SIPA1L2: variants seen among roughly 807,000 people sequenced by gnomAD.
SIPA1L2 encodes signal-induced proliferation-associated 1-like protein 2.
SIPA1L2 carries 56 observed loss-of-function variants against 163.9 expected under a neutral mutation model. That is an observed-to-expected ratio of 0.34 (90% CI 0.28 to 0.43). The LOEUF (loss-of-function observed/expected upper bound fraction) is 0.43, where lower values mean the gene tolerates loss of function less well. SIPA1L2 is among the 20% of genes least tolerant of loss of function. SIPA1L2 has a pLI of 1.00. For synonymous variants in SIPA1L2, 877 were observed against 865.7 expected (o/e 1.01, Z -0.23); for missense variants, 1,974 against 2,193.5 (o/e 0.90, Z 2.00).
intron 18 of SIPA1L2, among the ~76,000 whole-genome samples, chr1:232,418,802 A>G (rs777717498): frequency 2.0e-5 from 3 of 152,160 alleles, no homozygotes; most frequent in Non-Finnish European, 2.9e-5. Flanking sequence ...TGGGACTTCT[A>G]TTTGATACTG....
intron 1 of SIPA1L2, among the ~76,000 whole-genome samples, chr1:232,582,643 A>G (rs941396045): frequency 1.6e-4 from 24 of 152,168 alleles, no homozygotes; most frequent in Non-Finnish European, 3.4e-4. Context: ...TTTTTGGTAT[A>G]TGATCTATTT....
intron 19 of SIPA1L2, among the ~76,000 whole-genome samples, chr1:232,406,750 C>T (rs188611346): frequency 3.3e-5 from 5 of 151,976 alleles, no homozygotes; most frequent in East Asian, 2.0e-4. Context: ...CTGATCAACG[C>T]GTCATGTCTG....
At chr1:232,494,902 A>C (rs986759084) in intron 3 of SIPA1L2, among the ~76,000 whole-genome samples, 7 of 152,160 alleles carry the variant, frequency 4.6e-5, no homozygotes, top group Non-Finnish European at 1.0e-4. Flanking sequence ...AGCCTCAAAA[A>C]ATCGATTTTT....
chr1:232,541,935 A>C (rs866759445), intron 2 of SIPA1L2, among the ~76,000 whole-genome samples: 1 of 148,206 alleles, frequency 6.7e-6, no homozygotes, highest in African/African-American at 2.5e-5. Flanking sequence ...TGAGCCTTAA[A>C]TCTCTCTCTC....
At chr1:232,429,027 T>G (rs771717890) in intron 16 of SIPA1L2, among the ~76,000 whole-genome samples, 1 of 152,186 alleles carries the variant, frequency 6.6e-6, no homozygotes, top group African/African-American at 2.4e-5. Context: ...AGTCATCAAT[T>G]CACACGTGTG....
chr1:232,615,131 C>G (rs906968931), intron 1 of SIPA1L2, among the ~76,000 whole-genome samples: 5 of 152,194 alleles, frequency 3.3e-5, no homozygotes, highest in Admixed American at 1.3e-4. Context: ...CACAAGATAA[C>G]TCTAGAGACA....
chr1:232,543,183 T>C (rs59196142), intron 2 of SIPA1L2, among the ~76,000 whole-genome samples: 5,813 of 152,302 alleles, frequency 0.038, 352 homozygotes, highest in African/African-American at 0.13. Flanking sequence ...AGCAAAGCCT[T>C]GCTACTATCC....
At chr1:232,468,999 C>T (rs1308723773) in intron 8 of SIPA1L2, among the ~76,000 whole-genome samples, 47 of 152,182 alleles carry the variant, frequency 3.1e-4, no homozygotes, top group Non-Finnish European at 4.4e-5. Flanking sequence ...ACTGCTCGAG[C>T]ATTCTGCTGC....
At chr1:232,622,058 T>A (rs202196002) in intron 1 of SIPA1L2, among the ~76,000 whole-genome samples, 2 of 152,220 alleles carry the variant, frequency 1.3e-5, no homozygotes, top group East Asian at 3.9e-4. Flanking sequence ...AAATGACCTA[T>A]TATTCCAAAC....
At position 232,401,332 on chromosome 1, in the gene SIPA1L2, C is replaced by T. The variant is rs148203486; in HGVS notation, c.5022+1060G>A. On this transcript the variant is annotated intron_variant, in intron 22 of 22. Coordinates refer to ENST00000674635, the MANE Select transcript of SIPA1L2 (RefSeq NM_020808.5). ...TCACCCAAGCTGGGGAAAAAACACA[C>T]GACCAGGAAAACAGGTATCGCTTTA... is the stretch of plus-strand genomic sequence containing the variant. Among the ~76,000 whole-genome samples the T allele has an allele frequency of 7.2e-5, 11 of 152,272 alleles. No homozygotes were observed. In the South Asian group the frequency reaches 8.3e-4, roughly 11 times the overall value.
intron 1 of SIPA1L2, among the ~76,000 whole-genome samples, chr1:232,596,356 T>C (rs1661253348): frequency 6.6e-6 from 1 of 152,184 alleles, no homozygotes; most frequent in Admixed American, 6.5e-5. Context: ...GCCCTATGTG[T>C]TTCCCACATG....
At chr1:232,541,173 G>C (rs562499305) in intron 2 of SIPA1L2, among the ~76,000 whole-genome samples, 1 of 152,168 alleles carries the variant, frequency 6.6e-6, no homozygotes, top group East Asian at 1.9e-4. Flanking sequence ...GGGTTGATAG[G>C]TGCAGCAAAC....
At chr1:232,600,525 G>C (rs1408526252) in intron 1 of SIPA1L2, among the ~76,000 whole-genome samples, 1 of 152,220 alleles carries the variant, frequency 6.6e-6, no homozygotes, top group Admixed American at 6.5e-5. Context: ...GGGTGACTGA[G>C]AATCAAACTG....
chr1:232,515,233 C>T lies in SIPA1L2; in HGVS notation c.107G>A (p.Arg36Gln), dbSNP rs763834648. ...RIMQSDDYFA[R>Q]KFKAINGNMG... is the part of the protein sequence containing the mutation. ...GTTGCCATTAATGGCTTTAAATTTC[C>T]GAGCAAAATAATCATCTGACTGCAT... Residue 36 changes from arginine (R) to glutamine (Q), a missense_variant, in exon 3 of 23, where the codon CGG becomes CAG. Physicochemically the swap from Arg to Gln is conservative, Grantham distance 43. Coordinates refer to ENST00000674635, the MANE Select transcript of SIPA1L2 (RefSeq NM_020808.5). 37 of 1,613,922 alleles carry T rather than the reference C, an allele frequency of 2.3e-5. No homozygotes were observed. In the East Asian group the frequency reaches 4.0e-4, roughly 17 times the overall value.
chr1:232,613,227 A>C (rs1485546315), intron 1 of SIPA1L2, among the ~76,000 whole-genome samples: 1 of 152,170 alleles, frequency 6.6e-6, no homozygotes, highest in Non-Finnish European at 1.5e-5. Flanking sequence ...TAATACACTG[A>C]CCTTCAGCTT....
intron 16 of SIPA1L2, among the ~76,000 whole-genome samples, chr1:232,429,608 T>TAA (rs35262191): frequency 1.5e-5 from 2 of 137,802 alleles, no homozygotes; most frequent in East Asian, 4.0e-4. Context: ...ATAGTGGCTG[T>TAA]AAAAAAAAAA....
intron 2 of SIPA1L2, among the ~76,000 whole-genome samples, chr1:232,568,585 A>C (rs571714145): frequency 6.6e-6 from 1 of 152,332 alleles, no homozygotes; most frequent in South Asian, 2.1e-4. Flanking sequence ...GAGGAGGCTA[A>C]GGAACAGACA....
intron 2 of SIPA1L2, among the ~76,000 whole-genome samples, chr1:232,519,043 T>C (rs1667337302): frequency 6.6e-6 from 1 of 152,170 alleles, no homozygotes; most frequent in Non-Finnish European, 1.5e-5. Context: ...CTATGAATGG[T>C]TGTTAACACT....
rs1662765424 is a variant in SIPA1L2 at position 232,439,515 on chromosome 1, C to T, written c.3643-19G>A. 2.5e-6 allele frequency: 4 copies of T among 1,599,916 alleles called. No homozygotes were observed. In the Admixed American group the frequency reaches 6.8e-5, roughly 27 times the overall value. ...CCCCAATCTTCAGAAGAAAGAGGAACAGAGAGTTCTCAAGTGAATCTTGAA... is the reference window on the plus strand; with the variant it reads ...CCCCAATCTTCAGAAGAAAGAGGAATAGAGAGTTCTCAAGTGAATCTTGAA... On this transcript the variant is annotated intron_variant, in intron 14 of 22. Transcript: ENST00000674635.
Sources: gnomAD v4.1 joint callset for allele counts (sites outside exome capture counted in the v4.1 genomes callset) on GRCh38, gnomAD v4.1.1 for gene constraint, MANE v1.5 for transcripts, NCBI Gene and HGNC (gene_info 2026-07-23, HGNC 2026-07-21) for gene names.